The following DCBLD1 variants were observed in gnomAD, a reference collection of about 807,000 sequenced individuals.
The protein encoded by DCBLD1 is discoidin, CUB and LCCL domain containing 1, also known as discoidin, CUB and LCCL domain-containing protein 1.
Under a neutral mutation model 71.5 loss-of-function variants are expected in DCBLD1, and 57 were observed. The observed-to-expected ratio is 0.80, with a 90% CI of 0.64 to 0.99. The LOEUF (loss-of-function observed/expected upper bound fraction) is 0.99. Among genes scored for constraint, DCBLD1 ranks in the 50% least tolerant of loss-of-function variants. The probability of loss-of-function intolerance (pLI) is 0.00; values close to 1 mark genes in which losing one functional copy is unlikely to be tolerated. For synonymous variants in DCBLD1, 380 were observed against 363.8 expected (o/e 1.04, Z -0.51); for missense variants, 891 against 923.5 (o/e 0.96, Z 0.46).
Position 117,540,749 on chromosome 6 carries a change from G to A in DCBLD1, c.1183G>A (p.Val395Ile). Reference protein sequence around the residue: ...PPIVARYVRVVPQTWHQRIAL... With the variant: ...PPIVARYVRVIPQTWHQRIAL... ...CATCGTGGCCAGATATGTGCGGGTT[G>A]TCCCCCAGACATGGCACCAGAGGAT... Residue 395 changes from valine to isoleucine, a missense_variant, in exon 10 of 15, where the codon GTC becomes ATC. Physicochemically the swap from Val to Ile is conservative, Grantham distance 29. Transcript: ENST00000338728. 1.2e-6 allele frequency: 2 copies of A among 1,614,226 alleles called. No individual in the cohort carries two copies. Among genetic ancestry groups the A allele is most frequent in the Non-Finnish European group, 1.7e-6 (2 of 1,180,046 alleles).
At chr6:117,522,431 T>C (rs1437903069) in intron 4 of DCBLD1, among the ~76,000 whole-genome samples, 1 of 151,862 alleles carries the variant, frequency 6.6e-6, no homozygotes, top group Non-Finnish European at 1.5e-5. Context: ...TAACAAAAAC[T>C]ATGACTGTTT....
intron 2 of DCBLD1, among the ~76,000 whole-genome samples, chr6:117,512,372 T>TA (rs1778051416): frequency 6.6e-6 from 1 of 152,224 alleles, no homozygotes; most frequent in African/African-American, 2.4e-5. Flanking sequence ...ACTATGGTTT[T>TA]AATGGCACAG....
intron 2 of DCBLD1, among the ~76,000 whole-genome samples, chr6:117,512,382 G>A (rs555070603): frequency 1.3e-5 from 2 of 152,308 alleles, no homozygotes; most frequent in South Asian, 4.1e-4. Context: ...TAATGGCACA[G>A]TCCAGGAATA....
At position 117,482,701 on chromosome 6, in the gene DCBLD1, G is replaced by A. The variant is rs1582950888; in HGVS notation, c.-81G>A. 9.1e-7 allele frequency: 1 copy of A among 1,095,198 alleles called. No individual in the cohort carries two copies. The highest frequency in any genetic ancestry group is 1.7e-5 in the African/African-American group (1 of 59,858). The allele number at this position is 1,095,198 out of a possible 1,614,324, so 67.8% of individuals were successfully genotyped here. A position where few individuals can be genotyped will look rare whatever the true frequency, so the allele number is the denominator to read the frequency against. Reference sequence around the variant, plus strand: ...CCCGGCGCCGCGCTCGTCCGCAGAGGAGGCGGCCCGGCCCGGGCAGCTGCG... The same window carrying A: ...CCCGGCGCCGCGCTCGTCCGCAGAGAAGGCGGCCCGGCCCGGGCAGCTGCG... On this transcript the variant is annotated 5_prime_UTR_variant, in exon 1 of 15. Transcript: ENST00000338728.
chr6:117,550,448 T>G (rs781085314), downstream of DCBLD1, among the ~76,000 whole-genome samples: 153 of 152,330 alleles, frequency 1.0e-3, no homozygotes, highest in African/African-American at 3.6e-3. Flanking sequence ...ATTGTCTGAC[T>G]TATGTTATCA....
intron 1 of DCBLD1, among the ~76,000 whole-genome samples, chr6:117,497,127 G>A (rs550767403): frequency 3.7e-4 from 56 of 152,216 alleles, no homozygotes; most frequent in African/African-American, 1.3e-3. Flanking sequence ...CCTGGGAGGC[G>A]GAGGTCAGTA....
chr6:117,533,523 T>G (rs1284069031), intron 6 of DCBLD1, among the ~76,000 whole-genome samples: 1 of 152,228 alleles, frequency 6.6e-6, no homozygotes, highest in Non-Finnish European at 1.5e-5. Flanking sequence ...CCCTCCTACT[T>G]TTTATTTAAG....
In DCBLD1 at chr6:117,491,836, G is replaced by A. The variant is rs114435738; in HGVS notation, c.112+8943G>A. Among the ~76,000 whole-genome samples the A allele has an allele frequency of 5.2e-3, 789 of 152,242 alleles. 7 individuals carry two copies. Among genetic ancestry groups the A allele is most frequent in the African/African-American group, 0.017 (723 of 41,544 alleles). On this transcript the variant is annotated intron_variant, in intron 1 of 14. Transcript: ENST00000338728. ...GCTCACGTCCTAAAGTGTACTCACC[G>A]CTTCAGAGTAGTTTATCTTTTACTT...
intron 14 of DCBLD1, among the ~76,000 whole-genome samples, chr6:117,559,831 A>G (rs1216904024): frequency 6.6e-6 from 1 of 152,208 alleles, no homozygotes; most frequent in African/African-American, 2.4e-5. Context: ...CCAATATCCT[A>G]TGGGGTTGTA....
At chr6:117,521,482 T>A in intron 3 of DCBLD1, 43 bp from the exon 4 acceptor site, 1 of 1,504,466 alleles carries the variant, frequency 6.6e-7, no homozygotes, top group Non-Finnish European at 9.1e-7. Context: ...GTGTCCTAGT[T>A]TTTATTCATT....
intron 14 of DCBLD1, among the ~76,000 whole-genome samples, chr6:117,564,330 T>C (rs1384537725): frequency 1.3e-5 from 2 of 152,228 alleles, no homozygotes; most frequent in African/African-American, 4.8e-5. Flanking sequence ...ATTCTACTTA[T>C]ATAAATATCT....
At chr6:117,537,964 T>C (rs1371690748) in intron 7 of DCBLD1, among the ~76,000 whole-genome samples, 1 of 152,232 alleles carries the variant, frequency 6.6e-6, no homozygotes, top group African/African-American at 2.4e-5. Flanking sequence ...ATTGGTTTGT[T>C]ATTATTTTGA....
At chr6:117,519,464 A>G (rs1778312452) in intron 2 of DCBLD1, among the ~76,000 whole-genome samples, 1 of 152,212 alleles carries the variant, frequency 6.6e-6, no homozygotes, top group African/African-American at 2.4e-5. Context: ...ATTTGAGCAA[A>G]TTTAGGAGGC....
downstream of DCBLD1, among the ~76,000 whole-genome samples, chr6:117,554,690 C>T (rs1285443459): frequency 1.3e-5 from 2 of 152,040 alleles, no homozygotes; most frequent in East Asian, 1.9e-4. Flanking sequence ...GTCAAGAGAT[C>T]GAGACTGTCC....
At chr6:117,502,995 A>G (rs1777712792) in intron 1 of DCBLD1, among the ~76,000 whole-genome samples, 1 of 152,124 alleles carries the variant, frequency 6.6e-6, no homozygotes, top group South Asian at 2.1e-4. Flanking sequence ...TCTCCTTTGC[A>G]TTTTGTTTAG....
chr6:117,518,120 C>T (rs1778266509), intron 2 of DCBLD1, among the ~76,000 whole-genome samples: 1 of 152,146 alleles, frequency 6.6e-6, no homozygotes, highest in African/African-American at 2.4e-5. Context: ...CCCAAGTTAC[C>T]TCGTGAATGC....
At chr6:117,516,100 T>A (rs1407665090) in intron 2 of DCBLD1, among the ~76,000 whole-genome samples, 2 of 151,960 alleles carry the variant, frequency 1.3e-5, no homozygotes, top group African/African-American at 2.4e-5. Flanking sequence ...ACACCTGTAA[T>A]CCCAGCACTT....
At chr6:117,488,491 A>G (rs916620169) in intron 1 of DCBLD1, among the ~76,000 whole-genome samples, 1 of 152,066 alleles carries the variant, frequency 6.6e-6, no homozygotes, top group African/African-American at 2.4e-5. Flanking sequence ...CAAAAAATAC[A>G]AAAATTTGCC....
chr6:117,558,136 C>T (rs745789189), intron 14 of DCBLD1, among the ~76,000 whole-genome samples: 4 of 152,204 alleles, frequency 2.6e-5, no homozygotes, highest in Non-Finnish European at 4.4e-5. Context: ...GTTTTCCTCA[C>T]CAGGGCCTTG....
Sources: allele counts gnomAD v4.1 joint callset (sites outside exome capture counted in the v4.1 genomes callset), GRCh38; gene constraint gnomAD v4.1.1; transcripts MANE v1.5; gene names NCBI Gene and HGNC (gene_info 2026-07-23, HGNC 2026-07-21).